The following MVB12B variants were observed in gnomAD, a reference collection of about 807,000 sequenced individuals.
MVB12B encodes multivesicular body subunit 12B.
Under a neutral mutation model 41.6 loss-of-function variants are expected in MVB12B, and 16 were observed. That is an observed-to-expected ratio of 0.38 (90% CI 0.26 to 0.58). The LOEUF is 0.58. Among genes scored for constraint, MVB12B ranks in the 20% least tolerant of loss-of-function variants. MVB12B has a pLI of 0.62. For missense variants in MVB12B, 274 were observed against 380.2 expected (o/e 0.72, Z 2.32); for synonymous variants, 133 against 139.7 (o/e 0.95, Z 0.34).
At chr9:126,488,834 A>C (rs1157013524) in intron 9 of MVB12B, among the ~76,000 whole-genome samples, 5 of 152,172 alleles carry the variant, frequency 3.3e-5, no homozygotes, top group Non-Finnish European at 7.4e-5. Flanking sequence ...GATGTTTCTG[A>C]ATCGAAGCCG....
intron 1 of MVB12B, among the ~76,000 whole-genome samples, chr9:126,336,437 C>T (rs1829277417): frequency 6.6e-6 from 1 of 152,224 alleles, no homozygotes; most frequent in African/African-American, 2.4e-5. Context: ...ATTCTTTGAT[C>T]AGCTACAAGG....
At chr9:126,399,417 T>C (rs534816951) in intron 6 of MVB12B, among the ~76,000 whole-genome samples, 2 of 152,290 alleles carry the variant, frequency 1.3e-5, no homozygotes, top group South Asian at 4.2e-4. Flanking sequence ...GTGGCCCTCT[T>C]TGGGGCTGGG....
intron 7 of MVB12B, among the ~76,000 whole-genome samples, chr9:126,479,523 G>A (rs1303716952): frequency 6.6e-6 from 1 of 152,220 alleles, no homozygotes; most frequent in Non-Finnish European, 1.5e-5. Context: ...CGAGATTGAG[G>A]CCCAAATGCG....
At position 126,478,743 on chromosome 9, in the gene MVB12B, C is replaced by T. The variant is rs1459628902; in HGVS notation, c.758-2626C>T. 6.6e-6 allele frequency among the ~76,000 whole-genome samples: 1 copy of T among 152,116 alleles called. No individual in the cohort carries two copies. The highest frequency in any genetic ancestry group is 6.5e-5 in the Admixed American group (1 of 15,272). ...GGAGGCCTCCCATGGGAGGAGCCCCCTTCCTCTCTGCCACCCCCAGTACTT... is the reference window on the plus strand; with the variant it reads ...GGAGGCCTCCCATGGGAGGAGCCCCTTTCCTCTCTGCCACCCCCAGTACTT... On this transcript the variant is annotated intron_variant, in intron 7 of 9. Coordinates refer to ENST00000361171, the MANE Select transcript of MVB12B (RefSeq NM_033446.3). This position sits in a 1 kb window ranked among gnomAD's most constrained non-coding sequence, Gnocchi z 4.2.
intron 2 of MVB12B, among the ~76,000 whole-genome samples, chr9:126,379,002 A>G (rs898150821): frequency 6.6e-6 from 1 of 152,094 alleles, no homozygotes; most frequent in Non-Finnish European, 1.5e-5. Flanking sequence ...CAGATATCCA[A>G]ACAAGCCCTT....
At chr9:126,336,755 C>CACACACAA (rs1554766438) in intron 1 of MVB12B, among the ~76,000 whole-genome samples, 1 of 10,202 alleles carries the variant, frequency 9.8e-5, no homozygotes, top group Non-Finnish European at 2.0e-4. Flanking sequence ...TGTGTGCACG[C>CACACACAA]ACACACACAC....
chr9:126,381,047 C>T lies in MVB12B; in HGVS notation c.205-17C>T, dbSNP rs1467817507. On this transcript the variant is annotated splice_polypyrimidine_tract_variant and intron_variant, in intron 2 of 9. Coordinates refer to ENST00000361171, the MANE Select transcript of MVB12B (RefSeq NM_033446.3). ...CCTGCCTTACCTGCAATCCTTTTCT[C>T]TGTCTCTCCGGTGTAGGTTGCACAG... The T allele has an allele frequency of 1.2e-6, 2 of 1,609,410 alleles. No homozygotes were observed. The highest frequency in any genetic ancestry group is 1.7e-6 in the Non-Finnish European group (2 of 1,175,962).
intron 7 of MVB12B, among the ~76,000 whole-genome samples, chr9:126,462,457 T>G (rs766710338): frequency 6.6e-5 from 10 of 152,246 alleles, no homozygotes; most frequent in Non-Finnish European, 1.5e-4. Flanking sequence ...ATACAGATTT[T>G]CATAATCACC....
intron 6 of MVB12B, among the ~76,000 whole-genome samples, chr9:126,414,513 A>G (rs919805631): frequency 5.3e-5 from 8 of 152,154 alleles, no homozygotes; most frequent in African/African-American, 1.9e-4. Flanking sequence ...TGGAATAATA[A>G]TCCATCATTT....
At chr9:126,337,721 A>C (rs1034453698) in intron 1 of MVB12B, among the ~76,000 whole-genome samples, 1 of 152,178 alleles carries the variant, frequency 6.6e-6, no homozygotes, top group Non-Finnish European at 1.5e-5. Flanking sequence ...CAGACCTGTT[A>C]GTGTGTTTTG....
At chr9:126,476,507 G>A (rs1833422929) in intron 7 of MVB12B, among the ~76,000 whole-genome samples, 1 of 152,146 alleles carries the variant, frequency 6.6e-6, no homozygotes, top group South Asian at 2.1e-4. Context: ...ATCATATGTG[G>A]GTGTGTGTAT....
At chr9:126,398,152 G>C (rs893396479) in intron 6 of MVB12B, among the ~76,000 whole-genome samples, 1 of 151,830 alleles carries the variant, frequency 6.6e-6, no homozygotes, top group African/African-American at 2.4e-5. Context: ...CTTCTCTCCC[G>C]GGAAGCCCTC....
chr9:126,417,529 A>G (rs1173677327), intron 6 of MVB12B, among the ~76,000 whole-genome samples: 4 of 152,212 alleles, frequency 2.6e-5, no homozygotes, highest in South Asian at 2.1e-4. Flanking sequence ...GAAAATACAC[A>G]CAGGGAGAAA....
At chr9:126,438,868 T>G in intron 7 of MVB12B, among the ~76,000 whole-genome samples, 1 of 152,190 alleles carries the variant, frequency 6.6e-6, no homozygotes. Flanking sequence ...TTATCAGGAC[T>G]TGTGTAGACT....
chr9:126,397,717 G>T (rs537941265), intron 6 of MVB12B: 28 of 693,844 alleles, frequency 4.0e-5, no homozygotes, highest in Middle Eastern at 7.5e-4. Context: ...TTTTTGTGGG[G>T]TTTTTTTGTG....
At chr9:126,484,062 A>T in intron 9 of MVB12B, 30 bp downstream of exon 9, 1 of 1,608,662 alleles carries the variant, frequency 6.2e-7, no homozygotes, top group East Asian at 2.2e-5. Flanking sequence ...AGGGGAGGGC[A>T]GGCCTGGGCC....
chr9:126,499,089 T>G (rs1395666421), intron 9 of MVB12B, among the ~76,000 whole-genome samples: 1 of 152,170 alleles, frequency 6.6e-6, no homozygotes, highest in Non-Finnish European at 1.5e-5. Flanking sequence ...TTGCCCCCTC[T>G]TTGCCTCGAA....
Position 126,391,980 on chromosome 9 carries a change from A to G in MVB12B, c.410-86A>G. On this transcript the variant is annotated intron_variant, in intron 4 of 9. Coordinates refer to ENST00000361171, the MANE Select transcript of MVB12B (RefSeq NM_033446.3). This position sits in a 1 kb window ranked among gnomAD's most constrained non-coding sequence, Gnocchi z 4.4. Reference sequence around the variant, plus strand: ...ACCTGCCACTTCTGCTGCCAGGAATAGGGCGTGACAGGGGATGTGGTTTTC... The same window carrying G: ...ACCTGCCACTTCTGCTGCCAGGAATGGGGCGTGACAGGGGATGTGGTTTTC... 1 of 1,488,596 alleles carries G rather than the reference A, an allele frequency of 6.7e-7. No individual in the cohort carries two copies. Among genetic ancestry groups the G allele is most frequent in the Non-Finnish European group, 9.3e-7 (1 of 1,074,194 alleles). 92.2% of individuals were successfully genotyped at this position (1,488,596 alleles called of 1,614,324 possible).
intron 9 of MVB12B, among the ~76,000 whole-genome samples, chr9:126,493,409 A>T (rs1409374840): frequency 6.6e-6 from 1 of 152,140 alleles, no homozygotes; most frequent in Non-Finnish European, 1.5e-5. Flanking sequence ...TTCTATTTTT[A>T]TATTAGTACC....
Sources: allele counts gnomAD v4.1 joint callset (sites outside exome capture counted in the v4.1 genomes callset), GRCh38; gene constraint gnomAD v4.1.1; non-coding constraint Gnocchi (gnomAD v3.1); transcripts MANE v1.5; gene names NCBI Gene and HGNC (gene_info 2026-07-23, HGNC 2026-07-21).